Variants in HMCN2 observed in about 807,000 individuals in gnomAD.
The protein encoded by HMCN2 is hemicentin 2.
Under a neutral mutation model 377.5 loss-of-function variants are expected in HMCN2, and 325 were observed. The observed-to-expected ratio is 0.86, with a 90% confidence interval of 0.79 to 0.94. HMCN2 has a LOEUF of 0.94. Among genes scored for constraint, HMCN2 ranks in the 40% least tolerant of loss-of-function variants. HMCN2 has a pLI of 0.00. For missense variants in HMCN2, 4,543 were observed against 4,725.3 expected, an observed-to-expected ratio of 0.96 and a Z score of 1.13; for synonymous variants, 2,007 against 2,046.8, an observed-to-expected ratio of 0.98 and a Z score of 0.53.
intron 22 of HMCN2, among the ~76,000 whole-genome samples, chr9:130,336,076 A>G (rs879012786): frequency 0.36 from 54,443 of 151,998 alleles, 11,964 homozygotes; most frequent in Non-Finnish European, 0.5. Context: ...GCTCCGGTGC[A>G]TGTGAGACAC....
At chr9:130,273,902 T>TA (rs142064188) in intron 1 of HMCN2, among the ~76,000 whole-genome samples, 34,171 of 150,856 alleles carry the variant, frequency 0.23, 4,017 homozygotes, top group African/African-American at 0.28. Flanking sequence ...CTAATTTTAC[T>TA]AAAAAAAAAT....
At chr9:130,333,635 CCTCGGAGA>C (rs1277540682) in intron 22 of HMCN2, among the ~76,000 whole-genome samples, 1 of 152,234 alleles carries the variant, frequency 6.6e-6, no homozygotes, top group Non-Finnish European at 1.5e-5. Flanking sequence ...GCAGCCTGTT[CCTCGGAGA>C]CTCTGTGGCC....
intron 56 of HMCN2, 55 bp from the exon 57 acceptor site, chr9:130,383,449 G>C: frequency 1.2e-6 from 1 of 801,640 alleles, no homozygotes; most frequent in Non-Finnish European, 1.5e-6. Context: ...TCCTGGGGGT[G>C]GTGGTGTCCA....
At chr9:130,350,052 G>A (rs1015676040) in intron 29 of HMCN2, among the ~76,000 whole-genome samples, 8 of 151,540 alleles carry the variant, frequency 5.3e-5, no homozygotes, top group African/African-American at 1.9e-4. Context: ...GACCACAGGT[G>A]TGCGCTACCA....
Position 130,406,156 on chromosome 9 carries a change from C to A in HMCN2, c.12541C>A (p.Arg4181=). The A allele has an allele frequency of 7.8e-7, 1 of 1,289,846 alleles. No individual in the cohort carries two copies. Among genetic ancestry groups the A allele is most frequent in the Non-Finnish European group, 1.0e-6 (1 of 988,880 alleles). The allele number at this position is 1,289,846 out of a possible 1,614,324, so 79.9% of individuals were successfully genotyped here. ...TCGCATTGGCTGGACTGTCAACGAC[C>A]GGCCAGTCACAGGTCTGGGTCTGCT... is the stretch of plus-strand genomic sequence containing the variant. The part of the protein sequence containing the change: ...TPRIGWTVND[R]PVTEGVSEQD... Residue 4181 remains arginine (R), a synonymous_variant, in exon 82 of 98, where the codon CGG becomes AGG. Transcript: ENST00000683500.
chr9:130,324,180 G>A (rs983036932), intron 19 of HMCN2, among the ~76,000 whole-genome samples: 7,846 of 152,092 alleles, frequency 0.052, 333 homozygotes, highest in East Asian at 0.21. Flanking sequence ...CCCCATTCCC[G>A]TCTCCCCTCA....
chr9:130,368,532 G>C, intron 44 of HMCN2, 95 bp downstream of exon 44: 1 of 683,976 alleles, frequency 1.5e-6, no homozygotes, highest in South Asian at 6.5e-5. Context: ...GGAAGTGATG[G>C]TGTGTGGTGC....
intron 87 of HMCN2, 74 bp from the exon 88 acceptor site, chr9:130,424,702 G>A (rs1844223433): frequency 1.4e-6 from 2 of 1,425,838 alleles, no homozygotes; most frequent in African/African-American, 1.4e-5. Context: ...GGGGAGCCAT[G>A]ACGGGACCTT....
In HMCN2 at chr9:130,360,284, C is replaced by T. The variant is rs1255537065; in HGVS notation, c.5774-144C>T. On this transcript the variant is annotated intron_variant, in intron 37 of 97. Coordinates refer to ENST00000683500, the MANE Select transcript of HMCN2 (RefSeq NM_001291815.2). This position sits in a 1 kb window ranked among gnomAD's most constrained non-coding sequence, Gnocchi z 4.7. Reference sequence around the variant, plus strand: ...CCAGCAGAGTCTGACGGGCTGGCAGCACCCTTGCTTCTCTCTTCCATTCCC... The same window carrying T: ...CCAGCAGAGTCTGACGGGCTGGCAGTACCCTTGCTTCTCTCTTCCATTCCC... 3 of 510,228 alleles carry T rather than the reference C, an allele frequency of 5.9e-6. No individual in the cohort carries two copies. The highest frequency in any genetic ancestry group is 3.9e-5 in the African/African-American group (2 of 50,706). 31.6% of individuals were successfully genotyped at this position (510,228 alleles called of 1,614,324 possible).
At position 130,384,799 on chromosome 9, in the gene HMCN2, G is replaced by A; in HGVS notation, c.9106+1G>A. 1.5e-6 allele frequency: 2 copies of A among 1,301,540 alleles called. No homozygotes were observed. The highest frequency in any genetic ancestry group is 2.5e-5 in the South Asian group (2 of 80,990). The allele number at this position is 1,301,540 out of a possible 1,614,324, so 80.6% of individuals were successfully genotyped here. Reference sequence around the variant, plus strand: ...AAGCTGGTGCAGCTCAGTGTTCTGGGTATGTCCATGTCTGTCCCCAACTTG... The same window carrying A: ...AAGCTGGTGCAGCTCAGTGTTCTGGATATGTCCATGTCTGTCCCCAACTTG... On this transcript the variant is annotated splice_donor_variant, in intron 59 of 97. Transcript: ENST00000683500. LOFTEE classifies it high-confidence loss of function.
Position 130,416,906 on chromosome 9 carries a change from T to TTTTA in HMCN2, c.12962-1845_12962-1842dup, listed in dbSNP as rs1037543310. ...AGGCCCCTAAATGCTATCACAAGTGTTTTATTTATTTATTTATTTATTTAG... is the reference window on the plus strand; with the variant it reads ...AGGCCCCTAAATGCTATCACAAGTGTTTTATTTATTTATTTATTTATTTATTTAG... On this transcript the variant is annotated intron_variant, in intron 85 of 97. Coordinates refer to ENST00000683500, the MANE Select transcript of HMCN2 (RefSeq NM_001291815.2). 7.8e-4 allele frequency among the ~76,000 whole-genome samples: 118 copies of TTTTA among 151,616 alleles called. 1 individual carries two copies. Among genetic ancestry groups the TTTTA allele is most frequent in the African/African-American group, 1.7e-3 (72 of 41,312 alleles).
At chr9:130,317,807 C>A (rs985096863) in intron 15 of HMCN2, among the ~76,000 whole-genome samples, 1 of 151,124 alleles carries the variant, frequency 6.6e-6, no homozygotes, top group Non-Finnish European at 1.5e-5. Flanking sequence ...ACAAAAAAAA[C>A]ACAAACAAAC....
chr9:130,347,576 C>G lies in HMCN2; in HGVS notation c.4024+216C>G, dbSNP rs1191908272. ...AGGTCCTGCCACCAGGTGCCAGTGA[C>G]AGGGAGGGCTTGAGGGGGCTGGGAG... On this transcript the variant is annotated intron_variant, in intron 26 of 97. Coordinates refer to ENST00000683500, the MANE Select transcript of HMCN2 (RefSeq NM_001291815.2). The surrounding 1 kb of genome is among the most constrained non-coding windows in gnomAD (Gnocchi z 5.1). 6.6e-6 allele frequency among the ~76,000 whole-genome samples: 1 copy of G among 152,162 alleles called. No individual in the cohort carries two copies.
rs199552416 is a variant in HMCN2, at chr9:130,360,751, A to ACCATCCAT, written c.5950+178_5950+185dup. 3.0e-3 allele frequency: 846 copies of ACCATCCAT among 282,474 alleles called. 7 individuals are homozygous for ACCATCCAT. Among genetic ancestry groups the ACCATCCAT allele is most frequent in the African/African-American group, 0.019 (784 of 42,094 alleles). 17.5% of individuals were successfully genotyped at this position (282,474 alleles called of 1,614,324 possible). On this transcript the variant is annotated intron_variant, in intron 38 of 97. Transcript: ENST00000683500. This position sits in a 1 kb window ranked among gnomAD's most constrained non-coding sequence, Gnocchi z 4.7. ...ACCCCATCCATCCATCATCCATCCA[A>ACCATCCAT]CCATCCATCCATCCATCCATCCATC... is the stretch of plus-strand genomic sequence containing the variant.
intron 73 of HMCN2, among the ~76,000 whole-genome samples, chr9:130,396,998 C>G (rs546252912): frequency 6.6e-6 from 1 of 152,378 alleles, no homozygotes; most frequent in South Asian, 2.1e-4. Context: ...GCTCATGGCT[C>G]TGACCCCCTG....
rs116484194 is a variant in HMCN2 at position 130,399,526 on chromosome 9, C to T, written c.11499C>T (p.Asn3833=). The T allele has an allele frequency of 1.6e-3, 2,097 of 1,288,006 alleles. 24 individuals are homozygous for T. In the African/African-American group the frequency reaches 0.027, roughly 16 times the overall value. The allele number at this position is 1,288,006 out of a possible 1,614,324, so 79.8% of individuals were successfully genotyped here. The change falls in exon 76 of 98, where the codon AAC becomes AAT. Residue 3833 remains asparagine (N), a synonymous_variant. Transcript: ENST00000683500. ...TCCACCCCAGGCTCCTGCCCTCCAA[C>T]GCCCTGCTCCTCACGGCCCCCGGCC... ...QQGAYRLLPS[N]ALLLTAPGPQ...
At chr9:130,344,178 G>A (rs956905787) in intron 25 of HMCN2, among the ~76,000 whole-genome samples, 2 of 152,208 alleles carry the variant, frequency 1.3e-5, no homozygotes, top group African/African-American at 4.8e-5. Flanking sequence ...AGCTCGGAAG[G>A]CCTGGCCCCC....
In HMCN2 at chr9:130,356,136, G is replaced by GGCC. The variant is rs1840014065; in HGVS notation, c.5305_5307dup (p.Ala1769dup). On this transcript the variant is annotated inframe_insertion, in exon 34 of 98. Coordinates refer to ENST00000683500, the MANE Select transcript of HMCN2 (RefSeq NM_001291815.2). ...CCGAGGAGCTGGCTGGGGTGCAGGT[G>GGCC]GCCTCGCAGGGGACCACACTGCACA... 2 of 1,301,150 alleles carry GGCC rather than the reference G, an allele frequency of 1.5e-6. No homozygotes were observed. Among genetic ancestry groups the GGCC allele is most frequent in the African/African-American group, 3.0e-5 (2 of 65,846 alleles). The allele number at this position is 1,301,150 out of a possible 1,614,324, so 80.6% of individuals were successfully genotyped here.
intron 25 of HMCN2, among the ~76,000 whole-genome samples, chr9:130,343,334 G>A (rs1272487701): frequency 6.6e-6 from 1 of 152,238 alleles, no homozygotes; most frequent in Non-Finnish European, 1.5e-5. Context: ...CCTGACAGGA[G>A]CCTGGGGGGC....
Sources: gnomAD v4.1 joint callset for allele counts (sites outside exome capture counted in the v4.1 genomes callset) on GRCh38, gnomAD v4.1.1 for gene constraint, Gnocchi (gnomAD v3.1) non-coding constraint, MANE v1.5 for transcripts, NCBI Gene and HGNC (gene_info 2026-07-23, HGNC 2026-07-21) for gene names.